ANKRD12: variants seen among roughly 807,000 people sequenced by gnomAD.
The protein encoded by ANKRD12 is ankyrin repeat domain 12.
ANKRD12 carries 85 observed loss-of-function variants against 183.4 expected under a neutral mutation model. The ratio of observed to expected loss-of-function variants is 0.46; its 90% CI spans 0.39 to 0.56. ANKRD12 has a LOEUF of 0.56. Ranked by LOEUF, ANKRD12 falls within the 20% of genes least tolerant of loss-of-function variation. The pLI is 0.00. For missense variants in ANKRD12, 2,405 were observed against 2,357.1 expected, an observed-to-expected ratio of 1.02 and a Z score of -0.42; for synonymous variants, 914 against 800.2, an observed-to-expected ratio of 1.14 and a Z score of -2.40.
At chr18:9,199,636 CT>C (rs2035052940) in intron 3 of ANKRD12, among the ~76,000 whole-genome samples, 2 of 152,020 alleles carry the variant, frequency 1.3e-5, no homozygotes, top group Admixed American at 1.3e-4. Flanking sequence ...ATTATATAAA[CT>C]TTTTAATGTT....
At chr18:9,274,200 C>T (rs1210394524) in intron 10 of ANKRD12, among the ~76,000 whole-genome samples, 3 of 152,212 alleles carry the variant, frequency 2.0e-5, no homozygotes, top group African/African-American at 4.8e-5. Flanking sequence ...CACTCTTGAG[C>T]CTGCTGACTT....
At chr18:9,235,797 G>A (rs2037313208) in intron 8 of ANKRD12, 1 of 397,666 alleles carries the variant, frequency 2.5e-6, no homozygotes, top group South Asian at 1.8e-5. Flanking sequence ...AGACCATGTA[G>A]AAAAAAATAA....
chr18:9,227,340 AAAAGG>A (rs899996549), intron 8 of ANKRD12, among the ~76,000 whole-genome samples: 40 of 152,196 alleles, frequency 2.6e-4, no homozygotes, highest in African/African-American at 9.7e-4. Flanking sequence ...ACAAATAACT[AAAAGG>A]AATGACTAAA....
At chr18:9,155,539 A>G (rs924251714) in intron 1 of ANKRD12, among the ~76,000 whole-genome samples, 1 of 152,242 alleles carries the variant, frequency 6.6e-6, no homozygotes, top group African/African-American at 2.4e-5. Flanking sequence ...GGTTTCTGCC[A>G]AATACCTCTC....
intron 8 of ANKRD12, among the ~76,000 whole-genome samples, chr18:9,231,868 A>G (rs932235399): frequency 5.3e-5 from 8 of 150,216 alleles, no homozygotes; most frequent in Non-Finnish European, 8.9e-5. Context: ...TATAATTATT[A>G]TAGCTACTCT....
At chr18:9,145,932 AC>A (rs571090681) in intron 1 of ANKRD12, among the ~76,000 whole-genome samples, 90 of 152,348 alleles carry the variant, frequency 5.9e-4, no homozygotes, top group African/African-American at 1.7e-3. Context: ...AGAGGTAATT[AC>A]CTAAAACCAA....
At position 9,258,007 on chromosome 18, in the gene ANKRD12, T is replaced by C. The variant is rs933818961; in HGVS notation, c.4740T>C (p.Tyr1580=). Residue 1580 remains tyrosine, a synonymous_variant, in exon 9 of 13, where the codon TAT becomes TAC. Transcript: ENST00000262126. ...QEASPNFEKA[Y]TLPVLPSEKD... ...CATCACCAAACTTTGAGAAAGCTTA[T>C]ACTTTACCTGTGTTACCATCAGAAA... The C allele has an allele frequency of 1.3e-5, 21 of 1,613,714 alleles. No homozygotes were observed. The highest frequency in any genetic ancestry group is 1.6e-5 in the Non-Finnish European group (19 of 1,179,954).
rs1200565297 is a variant in ANKRD12 at position 9,173,623 on chromosome 18, G to T, written c.-51-8759G>T. 1.3e-3 allele frequency among the ~76,000 whole-genome samples: 39 copies of T among 30,524 alleles called. No individual in the cohort carries two copies. In the South Asian group the frequency reaches 0.1, roughly 78 times the overall value. 20.0% of individuals were successfully genotyped at this position (30,524 alleles called of 152,430 possible). ...TCCATCCCGGTGGGGTGGTGGGGGG[G>T]GGGTAGGGGGGGCAGTACTGACCTG... On this transcript the variant is annotated intron_variant, in intron 1 of 12. Transcript: ENST00000262126.
At chr18:9,156,082 G>A (rs1438813723) in intron 1 of ANKRD12, among the ~76,000 whole-genome samples, 2 of 139,582 alleles carry the variant, frequency 1.4e-5, no homozygotes, top group Non-Finnish European at 1.5e-5. Context: ...AGGTTGTGGT[G>A]AGTCAAGATC....
intron 1 of ANKRD12, among the ~76,000 whole-genome samples, chr18:9,143,962 A>G (rs2078408409): frequency 6.6e-6 from 1 of 152,196 alleles, no homozygotes; most frequent in African/African-American, 2.4e-5. Context: ...TCTTTCTTGG[A>G]AAGCCCCATT....
At chr18:9,190,746 A>G (rs951806255) in intron 2 of ANKRD12, among the ~76,000 whole-genome samples, 3 of 152,224 alleles carry the variant, frequency 2.0e-5, no homozygotes, top group Admixed American at 6.5e-5. Context: ...TCTTTAGCAT[A>G]TTTTAGTATA....
At chr18:9,219,918 T>G (rs9304035) in intron 7 of ANKRD12, among the ~76,000 whole-genome samples, 152,255 of 152,332 alleles carry the variant, frequency 1, 76,089 homozygotes, top group Middle Eastern at 1. Context: ...CTGGGTAGAT[T>G]ACTGGAATAT....
intron 1 of ANKRD12, among the ~76,000 whole-genome samples, chr18:9,157,577 G>GTATATATATATATATATA (rs1439951194): frequency 4.7e-4 from 54 of 114,424 alleles, no homozygotes; most frequent in Middle Eastern, 4.0e-3. Flanking sequence ...GTGTGTGTGT[G>GTATATATATATATATATA]TGTGTGTGTA....
At chr18:9,270,822 AT>A (rs533063281) in intron 10 of ANKRD12, among the ~76,000 whole-genome samples, 34 of 152,370 alleles carry the variant, frequency 2.2e-4, no homozygotes, top group East Asian at 2.1e-3. Context: ...TAATAAAAAA[AT>A]GATACATCTT....
intron 10 of ANKRD12, among the ~76,000 whole-genome samples, chr18:9,265,404 G>C (rs2039229765): frequency 6.6e-6 from 1 of 152,126 alleles, no homozygotes; most frequent in Admixed American, 6.5e-5. Flanking sequence ...ACCTCACACG[G>C]CTGGGTACTC....
chr18:9,199,345 TG>T (rs1439521295), intron 3 of ANKRD12, among the ~76,000 whole-genome samples: 1 of 152,210 alleles, frequency 6.6e-6, no homozygotes, highest in East Asian at 1.9e-4. Context: ...ATGTGCTATT[TG>T]CATTAAAATT....
At chr18:9,191,318 GAAAGA>G (rs1007601771) in intron 2 of ANKRD12, among the ~76,000 whole-genome samples, 1 of 152,100 alleles carries the variant, frequency 6.6e-6, no homozygotes, top group Non-Finnish European at 1.5e-5. Flanking sequence ...CATTTCTTTT[GAAAGA>G]AAAGAAACCC....
In ANKRD12 at chr18:9,257,151, A is replaced by G; in HGVS notation, c.3884A>G (p.Lys1295Arg). 2 of 1,614,146 alleles carry G rather than the reference A, an allele frequency of 1.2e-6. No individual in the cohort carries two copies. Among genetic ancestry groups the G allele is most frequent in the Non-Finnish European group, 1.7e-6 (2 of 1,179,996 alleles). Residue 1295 changes from lysine (K) to arginine (R), a missense_variant, in exon 9 of 13, where the codon AAA becomes AGA. By Grantham distance (26) the Lys-to-Arg change is conservative. Around this residue, in one of 7 missense-constraint regions of ANKRD12, gnomAD observed 1,983 missense variants for 1,725.9 expected, o/e 1.15. Transcript: ENST00000262126. ...AGGTCATCTTCTGTAGAAGATGTTA[A>G]ACTAATTATAAGCGAGGGGAGACCT... ...HLRSSSVEDV[K>R]LIISEGRPTI...
chr18:9,229,191 CTG>C (rs751444915), intron 8 of ANKRD12, among the ~76,000 whole-genome samples: 1 of 152,038 alleles, frequency 6.6e-6, no homozygotes, highest in Non-Finnish European at 1.5e-5. Flanking sequence ...TATACCAACA[CTG>C]TGCTCTCTCA....
Sources: gnomAD v4.1 joint callset for allele counts (sites outside exome capture counted in the v4.1 genomes callset) on GRCh38, gnomAD v4.1.1 for gene constraint, gnomAD v4.1.1 regional missense constraint, MANE v1.5 for transcripts, NCBI Gene and HGNC (gene_info 2026-07-23, HGNC 2026-07-21) for gene names.